LONRF1: variants seen among roughly 807,000 people sequenced by gnomAD.
LONRF1 encodes LON peptidase N-terminal domain and ring finger 1.
Under a neutral mutation model 85.8 loss-of-function variants are expected in LONRF1, and 37 were observed. The observed-to-expected ratio is 0.43, with a 90% confidence interval of 0.33 to 0.57. LONRF1 has a LOEUF of 0.57. Ranked by LOEUF, LONRF1 falls within the 20% of genes least tolerant of loss-of-function variation. The pLI, the probability that LONRF1 is intolerant of heterozygous loss-of-function variation, is 0.04. For missense variants in LONRF1, 1,036 were observed against 978.0 expected (o/e 1.06, Z -0.79); for synonymous variants, 517 against 390.1 (o/e 1.33, Z -3.83).
At chr8:12,746,201 C>G (rs983684755) in intron 1 of LONRF1, among the ~76,000 whole-genome samples, 8 of 152,146 alleles carry the variant, frequency 5.3e-5, no homozygotes, top group Admixed American at 5.2e-4. Flanking sequence ...ACTGATCTCC[C>G]TGCCTTCAGT....
At chr8:12,733,613 G>A (rs1006855459) in intron 7 of LONRF1, among the ~76,000 whole-genome samples, 3 of 151,902 alleles carry the variant, frequency 2.0e-5, no homozygotes, top group African/African-American at 4.8e-5. Flanking sequence ...TAATATCTTC[G>A]ATTACATAAA....
intron 1 of LONRF1, chr8:12,753,594 C>A (rs984263796): frequency 6.6e-6 from 1 of 152,170 alleles, no homozygotes; most frequent in African/African-American, 2.4e-5. Context: ...GAGGTGGCAA[C>A]CAAAAATCTC....
Position 12,737,983 on chromosome 8 carries a change from C to G in LONRF1, c.1113+12G>C. 1 of 1,594,140 alleles carries G rather than the reference C, an allele frequency of 6.3e-7. No individual in the cohort carries two copies. Among genetic ancestry groups the G allele is most frequent in the South Asian group, 1.2e-5 (1 of 84,896 alleles). Reference sequence around the variant, plus strand: ...TACGCTAAACTCATGATAACCTTGTCTCACCCCGTACCTGCTTTGGGCTAG... The same window carrying G: ...TACGCTAAACTCATGATAACCTTGTGTCACCCCGTACCTGCTTTGGGCTAG... On this transcript the variant is annotated intron_variant, in intron 4 of 11. Coordinates refer to ENST00000398246, the MANE Select transcript of LONRF1 (RefSeq NM_152271.5).
In LONRF1 at chr8:12,754,962, G is replaced by A; in HGVS notation, c.459C>T (p.Ala153=). The change falls in exon 1 of 12, where the codon GCC becomes GCT. Residue 153 remains alanine (A), a synonymous_variant. Coordinates refer to ENST00000398246, the MANE Select transcript of LONRF1 (RefSeq NM_152271.5). ...GCCGGTCCCGGCAGAGGCGGCAGCG[G>A]GCGCGGAGTTCCCTCCGCAGGCAGC... The part of the protein sequence containing the change: ...CRRCLRRELR[A]RCRLCRDRLP... 6.7e-7 allele frequency: 1 copy of A among 1,491,134 alleles called. No homozygotes were observed. The highest frequency in any genetic ancestry group is 8.9e-7 in the Non-Finnish European group (1 of 1,126,120). 92.4% of individuals were successfully genotyped at this position (1,491,134 alleles called of 1,614,324 possible).
rs766030182 is a variant in LONRF1, at chr8:12,738,072, A to G, written c.1036T>C (p.Cys346Arg). 1.6e-5 allele frequency: 26 copies of G among 1,610,462 alleles called. No homozygotes were observed. Among genetic ancestry groups the G allele is most frequent in the Non-Finnish European group, 2.0e-5 (24 of 1,178,238 alleles). The change falls in exon 4 of 12, where the codon TGT (cysteine) becomes CGT (arginine). Residue 346 changes from cysteine (C) to arginine (R), a missense_variant. This residue lies in a region of LONRF1 where 742 missense variants were observed against 614.4 expected (regional missense o/e 1.21). Coordinates refer to ENST00000398246, the MANE Select transcript of LONRF1 (RefSeq NM_152271.5). ...LKESSWSSLP[C>R]TKNRPFDFHS... ...AAATCAAAAGGTCTGTTTTTAGTAC[A>G]TGGTAATGAACTCCAGGAAGATTCC...
chr8:12,735,526 G>A, intron 6 of LONRF1, 126 bp from the exon 7 acceptor site: 1 of 645,698 alleles, frequency 1.5e-6, no homozygotes, highest in Non-Finnish European at 2.8e-6. Context: ...GCAGGCAGGA[G>A]AGGAGAGAAA....
chr8:12,723,341 GAGCAC>G (rs1433936169), intron 11 of LONRF1, 87 bp from the exon 12 acceptor site: 1 of 1,286,162 alleles, frequency 7.8e-7, no homozygotes, highest in African/African-American at 1.5e-5. Flanking sequence ...ACTATTTATT[GAGCAC>G]TTGTACTATG....
chr8:12,747,284 G>T (rs1346880853), intron 1 of LONRF1, among the ~76,000 whole-genome samples: 2 of 152,124 alleles, frequency 1.3e-5, no homozygotes, highest in Admixed American at 1.3e-4. Flanking sequence ...TTCTATTCTA[G>T]AGTCATGGTT....
chr8:12,724,928 C>G (rs576745116), intron 11 of LONRF1, among the ~76,000 whole-genome samples: 33 of 152,308 alleles, frequency 2.2e-4, no homozygotes, highest in African/African-American at 7.5e-4. Context: ...GGGAATGAGG[C>G]AGTGTGCATT....
intron 7 of LONRF1, among the ~76,000 whole-genome samples, chr8:12,732,604 A>C (rs1308428139): frequency 6.6e-6 from 1 of 152,202 alleles, no homozygotes; most frequent in African/African-American, 2.4e-5. Flanking sequence ...TGCTTATGCA[A>C]AACATGTCTA....
intron 4 of LONRF1, 28 bp from the exon 5 acceptor site, chr8:12,737,168 CTG>C (rs1798752827): frequency 6.2e-7 from 1 of 1,604,124 alleles, no homozygotes. Flanking sequence ...ACAAAGGTAA[CTG>C]TATTTCTTTA....
chr8:12,725,639 G>C, intron 11 of LONRF1, 88 bp downstream of exon 11: 1 of 1,354,768 alleles, frequency 7.4e-7, no homozygotes. Context: ...AAGTAGTGCA[G>C]AAAGGACAAT....
chr8:12,753,393 T>C (rs1184640817), intron 1 of LONRF1: 1 of 152,252 alleles, frequency 6.6e-6, no homozygotes, highest in Non-Finnish European at 1.5e-5. Context: ...TTCTTGGGGA[T>C]TATTCCCCTA....
Position 12,727,119 on chromosome 8 carries a change from C to CTTT in LONRF1, c.2011-1243_2011-1241dup, listed in dbSNP as rs368812604. The CTTT allele has an allele frequency of 3.9e-3, 526 of 133,810 alleles. 3 individuals carry two copies. Among genetic ancestry groups the CTTT allele is most frequent in the Admixed American group, 8.2e-3 (109 of 13,290 alleles). The allele number at this position is 133,810 out of a possible 1,614,324, so 8.3% of individuals were successfully genotyped here. ...GAAACAAACTTATGCCTTGTTAAAT[C>CTTT]TTTTTTTTTTTTTTTTTTAAAGCAT... On this transcript the variant is annotated intron_variant, in intron 10 of 11. Transcript: ENST00000398246.
At chr8:12,750,923 G>T (rs913184071) in intron 1 of LONRF1, among the ~76,000 whole-genome samples, 1 of 152,110 alleles carries the variant, frequency 6.6e-6, no homozygotes, top group African/African-American at 2.4e-5. Flanking sequence ...ATATTTACTG[G>T]GCATTTACTC....
At chr8:12,739,066 CCT>C (rs1798830165) in intron 3 of LONRF1, among the ~76,000 whole-genome samples, 1 of 151,954 alleles carries the variant, frequency 6.6e-6, no homozygotes, top group Non-Finnish European at 1.5e-5. Flanking sequence ...ATTTACATTT[CCT>C]CTGTTTTAAA....
At chr8:12,740,651 C>CA (rs1188932636) in intron 3 of LONRF1, among the ~76,000 whole-genome samples, 3 of 151,954 alleles carry the variant, frequency 2.0e-5, no homozygotes, top group East Asian at 1.9e-4. Context: ...GAATACTAAC[C>CA]AAAAAAATGC....
chr8:12,727,479 A>ATTT (rs33958872), intron 10 of LONRF1, among the ~76,000 whole-genome samples: 4 of 244 alleles, frequency 0.016, no homozygotes, highest in Non-Finnish European at 0.094. Flanking sequence ...AGATGAAGAC[A>ATTT]TGATGAGAAA....
intron 2 of LONRF1, among the ~76,000 whole-genome samples, chr8:12,742,553 C>A (rs1447238580): frequency 6.6e-6 from 1 of 152,180 alleles, no homozygotes; most frequent in Non-Finnish European, 1.5e-5. Context: ...ATTAATAAAT[C>A]TCATTCAATG....
Sources: allele counts gnomAD v4.1 joint callset (sites outside exome capture counted in the v4.1 genomes callset), GRCh38; gene constraint gnomAD v4.1.1; regional missense constraint gnomAD v4.1.1; transcripts MANE v1.5; gene names NCBI Gene and HGNC (gene_info 2026-07-23, HGNC 2026-07-21).